Variants in CTCF observed in about 807,000 individuals in gnomAD.
CTCF encodes the protein transcriptional repressor CTCF.
CTCF carries 7 observed loss-of-function variants against 72.3 expected under a neutral mutation model. The ratio of observed to expected loss-of-function variants is 0.10; its 90% CI spans 0.06 to 0.18. The LOEUF (loss-of-function observed/expected upper bound fraction) is 0.18, where lower values mean the gene tolerates loss of function less well. Ranked by LOEUF, CTCF falls within the 10% of genes least tolerant of loss-of-function variation. CTCF has a pLI of 1.00. For missense variants in CTCF, 516 were observed against 949.1 expected, an observed-to-expected ratio of 0.54 and a Z score of 6.00; for synonymous variants, 374 against 315.8, an observed-to-expected ratio of 1.18 and a Z score of -1.95.
At chr16:67,604,970 T>TTA (rs1277461569) in intron 2 of CTCF, among the ~76,000 whole-genome samples, 2 of 126,894 alleles carry the variant, frequency 1.6e-5, no homozygotes, top group African/African-American at 6.4e-5. Flanking sequence ...TGGGATTTTT[T>TTA]TTTTTTTTTT....
At chr16:67,579,610 CGGCCTCCCAATTGCCCT>C (rs964881491) in intron 2 of CTCF, among the ~76,000 whole-genome samples, 11 of 152,272 alleles carry the variant, frequency 7.2e-5, no homozygotes, top group Non-Finnish European at 1.2e-4. Flanking sequence ...CCACCTGCCT[CGGCCTCCCAATTGCCCT>C]GGCCTCCCAA....
intron 2 of CTCF, among the ~76,000 whole-genome samples, chr16:67,596,015 A>G (rs773379999): frequency 1.3e-5 from 2 of 151,122 alleles, no homozygotes; most frequent in East Asian, 1.9e-4. Context: ...GTGCAGTGGC[A>G]TACTTTCGGC....
chr16:67,596,230 G>T (rs1457910322), intron 2 of CTCF, among the ~76,000 whole-genome samples: 1 of 152,182 alleles, frequency 6.6e-6, no homozygotes, highest in Admixed American at 6.5e-5. Flanking sequence ...GGGATTACAG[G>T]CATGAGCCAC....
chr16:67,611,778 T>C (rs1230698564), intron 3 of CTCF, among the ~76,000 whole-genome samples, 165 bp downstream of exon 3: 1 of 152,218 alleles, frequency 6.6e-6, no homozygotes, highest in African/African-American at 2.4e-5. Context: ...GATTGAATGC[T>C]CTTTTTTTAA....
At chr16:67,576,578 G>A (rs1228428288) in intron 2 of CTCF, among the ~76,000 whole-genome samples, 9 of 134,512 alleles carry the variant, frequency 6.7e-5, no homozygotes, top group African/African-American at 2.1e-4. Flanking sequence ...TTTTGAGATG[G>A]TGTCTCCCTC....
In CTCF at chr16:67,576,004, A is replaced by C. The variant is rs569121605; in HGVS notation, c.-10+4740A>C. On this transcript the variant is annotated intron_variant, in intron 2 of 11. Coordinates refer to ENST00000264010, the MANE Select transcript of CTCF (RefSeq NM_006565.4). ...ACCTTGTCTGTAAAAAAAAAAAAAA[A>C]AAAAAATGTAGCCAGGTGTGGTGGT... is the stretch of plus-strand genomic sequence containing the variant. Among the ~76,000 whole-genome samples the C allele has an allele frequency of 1.6e-4, 24 of 151,246 alleles. 1 individual carries two copies. The East Asian group carries it at 2.3e-3, about 15-fold the overall frequency.
intron 4 of CTCF, among the ~76,000 whole-genome samples, chr16:67,612,919 C>G (rs762063439): frequency 4.6e-5 from 7 of 152,228 alleles, no homozygotes; most frequent in Non-Finnish European, 8.8e-5. Flanking sequence ...GCCTGGGCGA[C>G]AGAGTGAGAC....
rs2052058074 is a variant in CTCF at position 67,611,241 on chromosome 16, G to A, written c.409G>A (p.Ala137Thr). The A allele has an allele frequency of 6.2e-7, 1 of 1,614,130 alleles. No homozygotes were observed. Among genetic ancestry groups the A allele is most frequent in the Non-Finnish European group, 8.5e-7 (1 of 1,180,036 alleles). Residue 137 changes from alanine (A) to threonine (T), a missense_variant, in exon 3 of 12, where the codon GCT (alanine) becomes ACT (threonine). Ala to Thr is a moderately conservative substitution (Grantham distance 58). Transcript: ENST00000264010. ...CACTTCAGTAGAAGAACTTCAGGGG[G>A]CTTATGAAAATGAAGTGTCTAAAGA... ...ATTSVEELQGAYENEVSKEGL... is the reference protein window; with the variant it reads ...ATTSVEELQGTYENEVSKEGL...
At chr16:67,588,500 A>T (rs2051697402) in intron 2 of CTCF, among the ~76,000 whole-genome samples, 1 of 151,950 alleles carries the variant, frequency 6.6e-6, no homozygotes, top group Admixed American at 6.6e-5. Context: ...AGCTTAGGTT[A>T]CTCTACACCA....
intron 2 of CTCF, among the ~76,000 whole-genome samples, chr16:67,580,144 A>G (rs2051560083): frequency 6.6e-6 from 1 of 152,188 alleles, no homozygotes; most frequent in Non-Finnish European, 1.5e-5. Context: ...GCAAGATGTA[A>G]TGCTGTCCTG....
intron 2 of CTCF, among the ~76,000 whole-genome samples, chr16:67,602,893 A>G (rs1287450906): frequency 1.3e-5 from 2 of 151,804 alleles, no homozygotes; most frequent in African/African-American, 4.8e-5. Context: ...AAACAGTAAT[A>G]GTATAAAGTT....
chr16:67,626,679 CT>C lies in CTCF; in HGVS notation c.1485del (p.Phe495LeufsTer16). 6.5e-7 allele frequency: 1 copy of C among 1,537,826 alleles called. No individual in the cohort carries two copies. The highest frequency in any genetic ancestry group is 8.8e-7 in the Non-Finnish European group (1 of 1,139,380). ...HQKSHKNEKRFKCDQCDYACR... is the reference protein window; with the variant it reads ...HQKSHKNEKRXKCDQCDYACR... ...AGAAGTCACACAAGAATGAGAAGCG[CT>C]TTAAGTGTGACCAGTGTGATTACGC... On this transcript the variant is annotated frameshift_variant, in exon 8 of 12. Coordinates refer to ENST00000264010, the MANE Select transcript of CTCF (RefSeq NM_006565.4). LOFTEE classifies it high-confidence loss of function.
chr16:67,631,830 C>T (rs761863991), intron 10 of CTCF, among the ~76,000 whole-genome samples: 2 of 151,554 alleles, frequency 1.3e-5, no homozygotes, highest in African/African-American at 2.4e-5. Flanking sequence ...CCCAGCACTT[C>T]GGTAGGCCAA....
At chr16:67,586,154 A>G (rs139994500) in intron 2 of CTCF, among the ~76,000 whole-genome samples, 143 of 152,308 alleles carry the variant, frequency 9.4e-4, no homozygotes, top group African/African-American at 2.7e-3. Context: ...TAATTCCAGC[A>G]CTTTGGGAGG....
chr16:67,612,226 A>G (rs2052070626), intron 4 of CTCF, 105 bp downstream of exon 4: 1 of 961,718 alleles, frequency 1.0e-6, no homozygotes, highest in Non-Finnish European at 1.5e-6. Context: ...AGTTTTTATT[A>G]TTTCTTATGA....
intron 1 of CTCF, among the ~76,000 whole-genome samples, chr16:67,565,670 T>C (rs572024562): frequency 1.4e-4 from 17 of 120,152 alleles, no homozygotes; most frequent in African/African-American, 4.1e-4. Context: ...AAGACTCTTA[T>C]CTCAAAAAAA....
At chr16:67,607,681 G>A (rs911537554) in intron 2 of CTCF, among the ~76,000 whole-genome samples, 1 of 151,924 alleles carries the variant, frequency 6.6e-6, no homozygotes, top group African/African-American at 2.4e-5. Context: ...ATTCAATTTG[G>A]TTGGCATTTA....
intron 2 of CTCF, among the ~76,000 whole-genome samples, chr16:67,610,350 CTTTTTTTT>C (rs1158978403): frequency 8.2e-6 from 1 of 121,388 alleles, no homozygotes; most frequent in Non-Finnish European, 1.7e-5. Flanking sequence ...TTTTCTTTTT[CTTTTTTTT>C]TTTTTTTTTT....
At chr16:67,612,170 G>A (rs370933309) in intron 4 of CTCF, 49 bp downstream of exon 4, 10 of 1,544,936 alleles carry the variant, frequency 6.5e-6, no homozygotes, top group African/African-American at 1.4e-5. Context: ...CTCAGACTTC[G>A]CTTTTTAGTA....
Sources: allele counts gnomAD v4.1 joint callset (sites outside exome capture counted in the v4.1 genomes callset), GRCh38; gene constraint gnomAD v4.1.1; transcripts MANE v1.5; gene names NCBI Gene and HGNC (gene_info 2026-07-23, HGNC 2026-07-21).